The following FKBP6 variants were observed in gnomAD, a reference collection of about 807,000 sequenced individuals.
FKBP6 encodes FKBP prolyl isomerase family member 6 (inactive), also known as inactive peptidyl-prolyl cis-trans isomerase FKBP6.
In FKBP6, 29 loss-of-function variants were observed where a neutral mutation model predicts 41.7. That is an observed-to-expected ratio of 0.70 (90% CI 0.52 to 0.95). The LOEUF is 0.95. Among genes scored for constraint, FKBP6 ranks in the 40% least tolerant of loss-of-function variants. The probability of loss-of-function intolerance (pLI) is 0.00; values close to 1 mark genes in which losing one functional copy is unlikely to be tolerated. For synonymous variants in FKBP6, 130 were observed against 165.1 expected (o/e 0.79, Z 1.63); for missense variants, 338 against 408.7 (o/e 0.83, Z 1.49).
chr7:73,354,736 A>G (rs1379224730), intron 8 of FKBP6, among the ~76,000 whole-genome samples: 1 of 152,214 alleles, frequency 6.6e-6, no homozygotes, highest in Non-Finnish European at 1.5e-5. Context: ...TTGAAGAGGC[A>G]GCCATAACTT....
rs1157118660 is a variant in FKBP6 at position 73,328,230 on chromosome 7, G to A, written c.-199G>A. 17 of 1,548,996 alleles carry A rather than the reference G, an allele frequency of 1.1e-5. No individual in the cohort carries two copies. The highest frequency in any genetic ancestry group is 4.1e-5 in the African/African-American group (3 of 72,990). On this transcript the variant is annotated 5_prime_UTR_variant, in exon 1 of 9. Transcript: ENST00000252037. ...ACCGCGTGGCCTCTGTAGTTCCAGA[G>A]CTCGCGAGGGCCAGGGCCGTTGGCG... is the stretch of plus-strand genomic sequence containing the variant.
Position 73,330,269 on chromosome 7 carries a change from C to A in FKBP6, c.385C>A (p.Pro129Thr). 1.2e-6 allele frequency: 2 copies of A among 1,614,106 alleles called. No individual in the cohort carries two copies. Among genetic ancestry groups the A allele is most frequent in the Non-Finnish European group, 1.7e-6 (2 of 1,179,964 alleles). Residue 129 changes from proline (P) to threonine (T), a missense_variant, in exon 4 of 9, where the codon CCA (proline) becomes ACA (threonine). By Grantham distance (38) the Pro-to-Thr change is conservative. This residue lies in a region of FKBP6 where 239 missense variants were observed against 250.1 expected (regional missense o/e 0.96). Transcript: ENST00000252037. ...GTLGCPPLIP[P>T]NTTVLFEIEL... The stretch of plus-strand genomic sequence containing the variant: ...GCTGGGCTGCCCTCCCTTGATCCCC[C>A]CAAACACCACTGTCCTGTTTGAGAT...
intron 8 of FKBP6, among the ~76,000 whole-genome samples, chr7:73,347,475 A>AT (rs1219551780): frequency 5.3e-5 from 8 of 152,158 alleles, no homozygotes; most frequent in African/African-American, 1.9e-4. Flanking sequence ...CTATGTTTCT[A>AT]TTACCACTTC....
chr7:73,352,359 C>T (rs1006736271), intron 8 of FKBP6, among the ~76,000 whole-genome samples: 2 of 152,182 alleles, frequency 1.3e-5, no homozygotes, highest in African/African-American at 4.8e-5. Flanking sequence ...TTCTTGCGTT[C>T]ATTAGGTGCA....
intron 8 of FKBP6, among the ~76,000 whole-genome samples, chr7:73,343,634 C>T (rs1340519907): frequency 6.6e-6 from 1 of 152,126 alleles, no homozygotes; most frequent in Non-Finnish European, 1.5e-5. Context: ...TAGCATTCCT[C>T]CCAAGATCAC....
chr7:73,334,106 G>T (rs979318397), intron 5 of FKBP6, among the ~76,000 whole-genome samples: 2 of 152,080 alleles, frequency 1.3e-5, no homozygotes, highest in Non-Finnish European at 2.9e-5. Context: ...TGAGCTCAAA[G>T]CTAACAACAA....
At chr7:73,348,149 A>G (rs1805385292) in intron 8 of FKBP6, among the ~76,000 whole-genome samples, 1 of 140,182 alleles carries the variant, frequency 7.1e-6, no homozygotes, top group African/African-American at 2.6e-5. Flanking sequence ...TGGAAGTTGG[A>G]CCTCCTTCTA....
Position 73,331,671 on chromosome 7 carries a change from A to G in FKBP6, c.483A>G (p.Gln161=), listed in dbSNP as rs782508367. The change falls in exon 5 of 9, where the codon CAA becomes CAG. Residue 161 remains glutamine, a synonymous_variant. Coordinates refer to ENST00000252037, the MANE Select transcript of FKBP6 (RefSeq NM_003602.5). ...CTGGTCCTCAGGAGCAGCAAGACCA[A>G]TTTCCACTTCAGAAGGTCCTGAAAG... The part of the protein sequence containing the change: ...FCALSAEQQD[Q]FPLQKVLKVA... The G allele has an allele frequency of 3.8e-5, 62 of 1,613,920 alleles. No homozygotes were observed. The highest frequency in any genetic ancestry group is 2.7e-4 in the Admixed American group (16 of 59,996).
Position 73,328,307 on chromosome 7 carries a change from C to G in FKBP6, c.-122C>G, listed in dbSNP as rs1315478850. The G allele has an allele frequency of 6.5e-7, 1 of 1,549,088 alleles. No individual in the cohort carries two copies. Among genetic ancestry groups the G allele is most frequent in the African/African-American group, 1.4e-5 (1 of 72,992 alleles). On this transcript the variant is annotated 5_prime_UTR_variant, in exon 1 of 9. Transcript: ENST00000252037. ...TCCTCGTGGCCCCAGAATGGAATGC[C>G]GCCGTCGGTAGGGGTCTGCCGGGCA...
chr7:73,343,067 C>T (rs1805239050), intron 8 of FKBP6, among the ~76,000 whole-genome samples, 168 bp downstream of exon 8: 3 of 152,374 alleles, frequency 2.0e-5, no homozygotes, highest in South Asian at 4.1e-4. Context: ...ACGTGCTGCA[C>T]GCCTACCTTT....
intron 5 of FKBP6, 98 bp from the exon 6 acceptor site, chr7:73,340,540 G>T: frequency 1.0e-6 from 1 of 970,006 alleles, no homozygotes. Flanking sequence ...ACCTGTAACA[G>T]CCGATTTTTA....
chr7:73,328,751 A>G, intron 2 of FKBP6, 59 bp downstream of exon 2: 1 of 1,611,514 alleles, frequency 6.2e-7, no homozygotes, highest in Non-Finnish European at 8.5e-7. Context: ...TTGGGAAGAG[A>G]GAGGCCTCAT....
chr7:73,331,513 A>G, intron 4 of FKBP6, 144 bp from the exon 5 acceptor site: 2 of 774,336 alleles, frequency 2.6e-6, no homozygotes, highest in Non-Finnish European at 4.5e-6. Flanking sequence ...CTTTCTTTCA[A>G]TTACTATTTT....
intron 5 of FKBP6, among the ~76,000 whole-genome samples, chr7:73,337,309 CT>C (rs5884903): frequency 2.0e-3 from 221 of 112,474 alleles, no homozygotes; most frequent in Middle Eastern, 5.4e-3. Flanking sequence ...CTTCCATGTT[CT>C]TTTTTTTTTT....
chr7:73,335,129 T>C (rs1229696129), intron 5 of FKBP6, among the ~76,000 whole-genome samples: 1 of 117,176 alleles, frequency 8.5e-6, no homozygotes, highest in Admixed American at 9.6e-5. Flanking sequence ...TACGTGTTCC[T>C]GGCCAAAAAA....
rs573196119 is a variant in FKBP6 at position 73,339,371 on chromosome 7, A to G, written c.589-1267A>G. Reference sequence around the variant, plus strand: ...AATGGTCTGGACACCCTTATTGAAAATCAGTTGACTGTAGATATATAAATC... The same window carrying G: ...AATGGTCTGGACACCCTTATTGAAAGTCAGTTGACTGTAGATATATAAATC... On this transcript the variant is annotated intron_variant, in intron 5 of 8. Transcript: ENST00000252037. 7.9e-5 allele frequency among the ~76,000 whole-genome samples: 12 copies of G among 152,164 alleles called. 1 individual carries two copies. Among genetic ancestry groups the G allele is most frequent in the Admixed American group, 6.5e-4 (10 of 15,278 alleles).
chr7:73,351,321 C>T (rs1805485127), intron 8 of FKBP6, among the ~76,000 whole-genome samples: 1 of 152,186 alleles, frequency 6.6e-6, no homozygotes, highest in East Asian at 1.9e-4. Flanking sequence ...TGAGCCACCG[C>T]ACCTGGCAAT....
rs926121297 is a variant in FKBP6, at chr7:73,340,673, T to C, written c.624T>C (p.Pro208=). The C allele has an allele frequency of 1.9e-6, 3 of 1,613,788 alleles. No individual in the cohort carries two copies. The highest frequency in any genetic ancestry group is 2.5e-6 in the Non-Finnish European group (3 of 1,180,006). ...LLLLRRRSAP[P]EEQHLVEAAK... is the part of the protein sequence containing the mutation. ...TTCTGCGCCGGCGATCAGCACCCCC[T>C]GAAGAGCAGCACCTGGTGGAGGCCG... Residue 208 remains proline (P), a synonymous_variant, in exon 6 of 9, where the codon CCT becomes CCC. Coordinates refer to ENST00000252037, the MANE Select transcript of FKBP6 (RefSeq NM_003602.5).
intron 8 of FKBP6, among the ~76,000 whole-genome samples, chr7:73,347,741 C>A (rs993829235): frequency 1.3e-5 from 2 of 152,190 alleles, no homozygotes; most frequent in Admixed American, 6.5e-5. Context: ...ACTTCCCAGG[C>A]TCTAGCAATT....
Sources: allele counts gnomAD v4.1 joint callset (sites outside exome capture counted in the v4.1 genomes callset), GRCh38; gene constraint gnomAD v4.1.1; regional missense constraint gnomAD v4.1.1; transcripts MANE v1.5; gene names NCBI Gene and HGNC (gene_info 2026-07-23, HGNC 2026-07-21).